The following CDH2 variants were observed in gnomAD, a reference collection of about 807,000 sequenced individuals.
CDH2 encodes cadherin 2.
CDH2 carries 17 observed loss-of-function variants against 92.0 expected under a neutral mutation model. The observed-to-expected ratio is 0.18, with a 90% CI of 0.13 to 0.28. CDH2 has a LOEUF of 0.28. CDH2 is among the 10% of genes least tolerant of loss of function. The probability of loss-of-function intolerance (pLI) is 1.00; values close to 1 mark genes in which losing one functional copy is unlikely to be tolerated. For missense variants in CDH2, 862 were observed against 1,133.1 expected (o/e 0.76, Z 3.44); for synonymous variants, 419 against 415.9 (o/e 1.01, Z -0.09).
intron 6 of CDH2, among the ~76,000 whole-genome samples, chr18:27,934,565 A>G (rs1162394124): frequency 6.6e-6 from 1 of 152,222 alleles, no homozygotes; most frequent in Non-Finnish European, 1.5e-5. Context: ...AGGGCAATAT[A>G]CTAATTTTAA....
At chr18:28,007,165 A>AATATATATATAT (rs1555632742) in intron 5 of CDH2, among the ~76,000 whole-genome samples, 7 of 110,424 alleles carry the variant, frequency 6.3e-5, no homozygotes, top group East Asian at 2.3e-4. Flanking sequence ...ATAAAAAAAA[A>AATATATATATAT]ATATATATAT....
chr18:28,006,456 G>A (rs909282485), intron 5 of CDH2, among the ~76,000 whole-genome samples: 1 of 151,964 alleles, frequency 6.6e-6, no homozygotes, highest in Non-Finnish European at 1.5e-5. Context: ...GGTGGCTCAC[G>A]CCTGTAATCC....
At chr18:28,079,473 G>C (rs546054136) in intron 2 of CDH2, among the ~76,000 whole-genome samples, 11 of 152,182 alleles carry the variant, frequency 7.2e-5, no homozygotes, top group Non-Finnish European at 1.6e-4. Flanking sequence ...CTATAGCTAA[G>C]TGTCTTCCCT....
chr18:28,170,959 T>C (rs2016455592), intron 1 of CDH2, among the ~76,000 whole-genome samples: 1 of 150,070 alleles, frequency 6.7e-6, no homozygotes, highest in Non-Finnish European at 1.5e-5. Context: ...CCAGGAGCAG[T>C]GGCTCGTGTC....
chr18:28,078,945 A>G (rs1174496908), intron 2 of CDH2, among the ~76,000 whole-genome samples: 1 of 152,120 alleles, frequency 6.6e-6, no homozygotes, highest in East Asian at 1.9e-4. Flanking sequence ...TCCACACACT[A>G]ATCAGAGTAG....
In CDH2 at chr18:27,958,906, T is replaced by G. The variant is rs140649590; in HGVS notation, c.2514+4451A>C. Among the ~76,000 whole-genome samples the G allele has an allele frequency of 6.9e-4, 105 of 152,304 alleles. 1 individual carries two copies. In the East Asian group the frequency reaches 0.017, roughly 24 times the overall value. Reference sequence around the variant, plus strand: ...TGCTGCCATGTGAAGAAGAATGTGTTTGCCTTCCCTTCTGGCAAGATTGTA... The same window carrying G: ...TGCTGCCATGTGAAGAAGAATGTGTGTGCCTTCCCTTCTGGCAAGATTGTA... On this transcript the variant is annotated intron_variant, in intron 15 of 15. Coordinates refer to ENST00000269141, the MANE Select transcript of CDH2 (RefSeq NM_001792.5).
At chr18:28,087,548 G>C (rs1242172501) in intron 2 of CDH2, among the ~76,000 whole-genome samples, 7 of 151,944 alleles carry the variant, frequency 4.6e-5, no homozygotes, top group Admixed American at 4.6e-4. Context: ...TTTTACTCCT[G>C]GGACAGTCTT....
At chr18:28,100,226 A>G (rs1300526809) in intron 2 of CDH2, among the ~76,000 whole-genome samples, 1 of 152,192 alleles carries the variant, frequency 6.6e-6, no homozygotes, top group African/African-American at 2.4e-5. Flanking sequence ...TGAATAAAAC[A>G]GATTGCTCTC....
chr18:28,053,720 C>T (rs1041935027), intron 2 of CDH2, among the ~76,000 whole-genome samples: 1 of 152,314 alleles, frequency 6.6e-6, no homozygotes, highest in Non-Finnish European at 1.5e-5. Flanking sequence ...TAAATATAAA[C>T]GAATTAACAT....
chr18:27,991,310 T>C lies in CDH2; in HGVS notation c.1345-960A>G, dbSNP rs996532023. Among the ~76,000 whole-genome samples the C allele has an allele frequency of 2.0e-5, 3 of 152,162 alleles. No homozygotes were observed. The East Asian group carries it at 5.8e-4, about 29-fold the overall frequency. Reference sequence around the variant, plus strand: ...CGAGAGGTGACGCTCATAAGAAAGCTTCATTATCAGCAGAAACTGCACCAG... The same window carrying C: ...CGAGAGGTGACGCTCATAAGAAAGCCTCATTATCAGCAGAAACTGCACCAG... On this transcript the variant is annotated intron_variant, in intron 9 of 15. Transcript: ENST00000269141.
chr18:27,936,554 G>C (rs10469051), intron 6 of CDH2, among the ~76,000 whole-genome samples: 19,412 of 151,472 alleles, frequency 0.13, 1,565 homozygotes, highest in African/African-American at 0.23. Context: ...CTCCAAGACA[G>C]AATCTCACTC....
intron 2 of CDH2, among the ~76,000 whole-genome samples, chr18:28,135,897 A>C (rs1295623598): frequency 6.6e-6 from 1 of 152,234 alleles, no homozygotes; most frequent in Non-Finnish European, 1.5e-5. Flanking sequence ...CAAATTATGC[A>C]TATTTTTCCA....
At chr18:28,169,624 AACT>A (rs2016435249) in intron 1 of CDH2, among the ~76,000 whole-genome samples, 1 of 152,228 alleles carries the variant, frequency 6.6e-6, no homozygotes, top group African/African-American at 2.4e-5. Context: ...TTAAAATTAA[AACT>A]ACAATATATG....
chr18:28,012,556 T>C, intron 3 of CDH2, among the ~76,000 whole-genome samples: 1 of 152,218 alleles, frequency 6.6e-6, no homozygotes, highest in East Asian at 1.9e-4. Context: ...CTCTGCTGGA[T>C]GTCAACATTT....
rs1452996039 is a variant in CDH2, at chr18:28,009,825, A to G, written c.594T>C (p.Thr198=). Reference sequence around the variant, plus strand: ...TTGGAGGCTGGTCAGCTCCTGGCCCAGTTACACTGTACCGCAGTGAAAGGT... The same window carrying G: ...TTGGAGGCTGGTCAGCTCCTGGCCCGGTTACACTGTACCGCAGTGAAAGGT... ...DKNLSLRYSV[T]GPGADQPPTG... is the part of the protein sequence containing the mutation. Residue 198 remains threonine (T), a synonymous_variant, in exon 5 of 16, where the codon ACT becomes ACC. Coordinates refer to ENST00000269141, the MANE Select transcript of CDH2 (RefSeq NM_001792.5). 6.2e-7 allele frequency: 1 copy of G among 1,613,780 alleles called. No homozygotes were observed. The highest frequency in any genetic ancestry group is 8.5e-7 in the Non-Finnish European group (1 of 1,179,904).
intron 8 of CDH2, among the ~76,000 whole-genome samples, 176 bp downstream of exon 8, chr18:27,993,321 AAAC>A (rs1216124211): frequency 2.6e-5 from 4 of 152,234 alleles, no homozygotes; most frequent in Non-Finnish European, 5.9e-5. Context: ...GACTACGAAG[AAAC>A]AAATTACTTG....
chr18:27,992,231 T>C (rs2012438618), intron 9 of CDH2, among the ~76,000 whole-genome samples: 1 of 152,172 alleles, frequency 6.6e-6, no homozygotes. Context: ...TCATTCTTAA[T>C]AGCTATCAAT....
intron 2 of CDH2, among the ~76,000 whole-genome samples, chr18:28,044,850 C>CGTGTGTATGTGTGTGT (rs1555636009): frequency 1.3e-5 from 2 of 148,394 alleles, no homozygotes; most frequent in Non-Finnish European, 3.0e-5. Flanking sequence ...TATATAACAT[C>CGTGTGTATGTGTGTGT]GTGTGTGTGT....
chr18:28,072,130 G>A (rs2014629689), intron 2 of CDH2, among the ~76,000 whole-genome samples: 1 of 151,926 alleles, frequency 6.6e-6, no homozygotes, highest in African/African-American at 2.4e-5. Context: ...CCAACTATCA[G>A]GTTCTCATTC....
Sources: allele counts gnomAD v4.1 joint callset (sites outside exome capture counted in the v4.1 genomes callset), GRCh38; gene constraint gnomAD v4.1.1; transcripts MANE v1.5; gene names NCBI Gene and HGNC (gene_info 2026-07-23, HGNC 2026-07-21).